Variants in GRIP1 observed in about 807,000 individuals in gnomAD.
The protein encoded by GRIP1 is glutamate receptor interacting protein 1, also known as glutamate receptor-interacting protein 1.
GRIP1 carries 45 observed loss-of-function variants against 129.9 expected under a neutral mutation model. That is an observed-to-expected ratio of 0.35 (90% CI 0.27 to 0.44). GRIP1 has a LOEUF of 0.44. Ranked by LOEUF, GRIP1 falls within the 20% of genes least tolerant of loss-of-function variation. GRIP1 has a pLI of 1.00. For synonymous variants in GRIP1, 530 were observed against 520.8 expected (o/e 1.02, Z -0.24); for missense variants, 1,196 against 1,396.8 (o/e 0.86, Z 2.29).
At chr12:66,768,348 C>T (rs1440413889) in intron 1 of GRIP1, among the ~76,000 whole-genome samples, 1 of 152,236 alleles carries the variant, frequency 6.6e-6, no homozygotes, top group African/African-American at 2.4e-5. Context: ...ACTGAAGTAT[C>T]TGCCTACAAA....
chr12:66,796,327 T>TA (rs58362219), intron 1 of GRIP1, among the ~76,000 whole-genome samples: 33,328 of 147,534 alleles, frequency 0.23, 4,040 homozygotes, highest in African/African-American at 0.33. Flanking sequence ...GATTCGGAAT[T>TA]AAAAAAAAAA....
At chr12:66,857,467 A>G (rs1282587193) in intron 1 of GRIP1, among the ~76,000 whole-genome samples, 1 of 151,904 alleles carries the variant, frequency 6.6e-6, no homozygotes, top group Non-Finnish European at 1.5e-5. Flanking sequence ...AGGAAGTTGA[A>G]ACTAATGTGT....
intron 1 of GRIP1, among the ~76,000 whole-genome samples, chr12:66,859,610 A>C (rs1364888722): frequency 6.6e-6 from 1 of 152,076 alleles, no homozygotes; most frequent in Non-Finnish European, 1.5e-5. Context: ...GGGATGTCTA[A>C]TTCCATTCTC....
intron 7 of GRIP1, among the ~76,000 whole-genome samples, chr12:66,465,659 T>A (rs1362050433): frequency 6.6e-6 from 1 of 152,242 alleles, no homozygotes; most frequent in Non-Finnish European, 1.5e-5. Flanking sequence ...ATCTCTTCAA[T>A]GAGATTTTAA....
chr12:66,462,801 C>CAA (rs34456744), intron 9 of GRIP1, 123 bp downstream of exon 9: 6,494 of 354,832 alleles, frequency 0.018, 20 homozygotes, highest in Non-Finnish European at 0.021. Context: ...GACTCCATCT[C>CAA]AAAAAAAAAA....
chr12:67,018,345 C>T (rs573825154), intron 1 of GRIP1, among the ~76,000 whole-genome samples: 1 of 152,126 alleles, frequency 6.6e-6, no homozygotes, highest in Non-Finnish European at 1.5e-5. Flanking sequence ...CTTGTGTCTG[C>T]GACTCCCATT....
intron 1 of GRIP1, among the ~76,000 whole-genome samples, chr12:66,833,271 C>T (rs2039550986): frequency 6.6e-6 from 1 of 152,160 alleles, no homozygotes; most frequent in Non-Finnish European, 1.5e-5. Context: ...CTGGAATATC[C>T]AGCTTCCACC....
chr12:66,358,202 C>T (rs983689974), intron 23 of GRIP1, among the ~76,000 whole-genome samples: 2 of 152,108 alleles, frequency 1.3e-5, no homozygotes, highest in African/African-American at 2.4e-5. Context: ...GCCTATTCAA[C>T]GCATTTCAAT....
At chr12:66,639,366 T>C (rs955357018) in intron 1 of GRIP1, among the ~76,000 whole-genome samples, 1 of 152,112 alleles carries the variant, frequency 6.6e-6, no homozygotes, top group Non-Finnish European at 1.5e-5. Flanking sequence ...AGGAAGAAGA[T>C]GTGTGCATTG....
Position 66,663,303 on chromosome 12 carries a change from A to G in GRIP1, c.55+15547T>C, listed in dbSNP as rs183246471. ...TGAACCTCTTCCCAAAAGTTTACTT[A>G]TTCATCTATATGGGGGGAAGGTACA... On this transcript the variant is annotated intron_variant, in intron 1 of 24. Transcript: ENST00000359742. Among the ~76,000 whole-genome samples the G allele has an allele frequency of 5.9e-5, 9 of 152,322 alleles. No individual in the cohort carries two copies. In the East Asian group the frequency reaches 1.7e-3, roughly 29 times the overall value.
At chr12:66,807,381 G>A (rs1270343524), upstream of GRIP1, among the ~76,000 whole-genome samples, 2 of 152,076 alleles carry the variant, frequency 1.3e-5, no homozygotes, top group Admixed American at 6.5e-5. Context: ...CGTTAAAAAT[G>A]TGTGGCACCT....
At chr12:66,474,226 T>A (rs892239677) in intron 7 of GRIP1, among the ~76,000 whole-genome samples, 2 of 151,752 alleles carry the variant, frequency 1.3e-5, no homozygotes, top group African/African-American at 4.8e-5. Flanking sequence ...GAAGAAAGGA[T>A]ATCAGAGATT....
intron 1 of GRIP1, among the ~76,000 whole-genome samples, chr12:66,935,233 T>C (rs1286056515): frequency 3.3e-5 from 5 of 152,162 alleles, no homozygotes; most frequent in Non-Finnish European, 7.4e-5. Flanking sequence ...TTTCTGTTTG[T>C]TGTATAAATA....
intron 15 of GRIP1, among the ~76,000 whole-genome samples, chr12:66,416,383 A>G (rs1383632946): frequency 3.3e-5 from 5 of 152,208 alleles, no homozygotes; most frequent in African/African-American, 1.2e-4. Context: ...ACCCAAGATT[A>G]GTGGTAGAAA....
chr12:66,921,139 T>C (rs924218902), intron 1 of GRIP1, among the ~76,000 whole-genome samples: 2 of 152,188 alleles, frequency 1.3e-5, no homozygotes, highest in Admixed American at 6.5e-5. Context: ...ATGGACATAA[T>C]AGATGACTTC....
intron 1 of GRIP1, among the ~76,000 whole-genome samples, chr12:66,606,542 T>C (rs1341353236): frequency 6.6e-6 from 1 of 152,152 alleles, no homozygotes; most frequent in African/African-American, 2.4e-5. Flanking sequence ...TTACAGAGCA[T>C]TCATGAGATG....
intron 2 of GRIP1, among the ~76,000 whole-genome samples, chr12:66,576,768 T>C (rs1309244141): frequency 6.6e-6 from 1 of 152,326 alleles, no homozygotes; most frequent in Middle Eastern, 3.4e-3. Flanking sequence ...ATAAGAGAAA[T>C]AAATGTGCAG....
At chr12:66,443,021 C>T (rs1223901838) in intron 13 of GRIP1, among the ~76,000 whole-genome samples, 1 of 152,140 alleles carries the variant, frequency 6.6e-6, no homozygotes, top group African/African-American at 2.4e-5. Flanking sequence ...TCCCTGAGTC[C>T]ACAAGCATAT....
intron 1 of GRIP1, chr12:66,647,207 T>C (rs2032441094): frequency 6.6e-6 from 1 of 152,236 alleles, no homozygotes; most frequent in Admixed American, 6.5e-5. Flanking sequence ...CTGCCAAAAT[T>C]GGGTGCCGAG....
Sources: allele counts gnomAD v4.1 joint callset (sites outside exome capture counted in the v4.1 genomes callset), GRCh38; gene constraint gnomAD v4.1.1; transcripts MANE v1.5; gene names NCBI Gene and HGNC (gene_info 2026-07-23, HGNC 2026-07-21).